Variants in CNTN4 observed in about 807,000 individuals in gnomAD.
CNTN4 encodes contactin-4.
A neutral mutation model predicts 122.5 loss-of-function variants in CNTN4; 77 were observed. That is an observed-to-expected ratio of 0.63 (90% CI 0.52 to 0.76). The LOEUF is 0.76. CNTN4 is among the 30% of genes least tolerant of loss of function. The pLI, the probability that CNTN4 is intolerant of heterozygous loss-of-function variation, is 0.00. For missense variants in CNTN4, 1,256 were observed against 1,259.1 expected (o/e 1.00, Z 0.04); for synonymous variants, 512 against 447.0 (o/e 1.15, Z -1.83).
intron 3 of CNTN4, among the ~76,000 whole-genome samples, chr3:2,462,742 A>T (rs1158555354): frequency 6.6e-6 from 1 of 152,180 alleles, no homozygotes; most frequent in South Asian, 2.1e-4. Flanking sequence ...AAAATCTTCA[A>T]CTGTGTGAAT....
At chr3:2,814,785 G>T (rs1023766133) in intron 6 of CNTN4, among the ~76,000 whole-genome samples, 1 of 152,188 alleles carries the variant, frequency 6.6e-6, no homozygotes, top group Non-Finnish European at 1.5e-5. Context: ...TCCTAGGCAC[G>T]TGAAGAAGGT....
Position 2,651,831 on chromosome 3 carries a change from G to A in CNTN4, c.55+80273G>A, listed in dbSNP as rs182833207. Among the ~76,000 whole-genome samples, 907 of 151,438 alleles carry A rather than the reference G, an allele frequency of 6.0e-3. 3 individuals carry two copies. Among genetic ancestry groups the A allele is most frequent in the Non-Finnish European group, 0.01 (688 of 67,884 alleles). ...AATTTTCCCTACTTCTTACTCTCGA[G>A]TAGCTGGGATTACAGGCACCTGCCA... is the stretch of plus-strand genomic sequence containing the variant. On this transcript the variant is annotated intron_variant, in intron 4 of 24. Transcript: ENST00000418658.
At chr3:2,557,465 C>T (rs745335557) in intron 3 of CNTN4, among the ~76,000 whole-genome samples, 10 of 152,248 alleles carry the variant, frequency 6.6e-5, no homozygotes, top group African/African-American at 1.7e-4. Context: ...TGGTGGCTCA[C>T]GCCTGTAATC....
At chr3:2,931,077 A>G (rs1449733078) in intron 13 of CNTN4, among the ~76,000 whole-genome samples, 1 of 152,168 alleles carries the variant, frequency 6.6e-6, no homozygotes, top group Non-Finnish European at 1.5e-5. Flanking sequence ...TATGCATGCT[A>G]CAGAAAAATT....
At chr3:3,051,613 A>G (rs559181899) in intron 23 of CNTN4, among the ~76,000 whole-genome samples, 2 of 152,326 alleles carry the variant, frequency 1.3e-5, no homozygotes, top group East Asian at 3.9e-4. Context: ...CTGAGGATTT[A>G]TCTGTGCCTA....
intron 4 of CNTN4, among the ~76,000 whole-genome samples, chr3:2,626,320 C>T (rs192079685): frequency 6.6e-6 from 1 of 151,940 alleles, no homozygotes; most frequent in African/African-American, 2.4e-5. Context: ...GGTGAAACCC[C>T]ATCTCTACTA....
intron 12 of CNTN4, among the ~76,000 whole-genome samples, chr3:2,913,787 C>G (rs1577248842): frequency 6.6e-6 from 1 of 152,116 alleles, no homozygotes; most frequent in South Asian, 2.1e-4. Context: ...AGGATGTGAA[C>G]AACCCTGTAG....
At chr3:2,831,549 C>G (rs2093104939) in intron 7 of CNTN4, among the ~76,000 whole-genome samples, 1 of 152,174 alleles carries the variant, frequency 6.6e-6, no homozygotes. Flanking sequence ...TTGTACCGAG[C>G]CAAGAGAGCT....
intron 2 of CNTN4, among the ~76,000 whole-genome samples, chr3:2,181,900 T>A (rs2037033921): frequency 6.6e-6 from 1 of 152,106 alleles, no homozygotes; most frequent in Non-Finnish European, 1.5e-5. Flanking sequence ...AAGCAAATAA[T>A]ATGACCCAAT....
chr3:2,510,315 T>C (rs186920831), intron 3 of CNTN4, among the ~76,000 whole-genome samples: 3 of 151,204 alleles, frequency 2.0e-5, no homozygotes, highest in South Asian at 2.1e-4. Flanking sequence ...AAAGCCCTTA[T>C]TGTACAGAAA....
intron 3 of CNTN4, among the ~76,000 whole-genome samples, chr3:2,539,852 G>C (rs548254820): frequency 6.6e-6 from 1 of 152,116 alleles, no homozygotes; most frequent in East Asian, 1.9e-4. Flanking sequence ...GAAACAGTTT[G>C]CCTCAAGAAA....
At chr3:2,881,305 G>A (rs942116148) in intron 8 of CNTN4, among the ~76,000 whole-genome samples, 29 of 152,240 alleles carry the variant, frequency 1.9e-4, no homozygotes, top group African/African-American at 6.5e-4. Flanking sequence ...CTGAGGTCAG[G>A]AATTCAAGAC....
In CNTN4 at chr3:2,902,867, C is replaced by G. The variant is rs370980273; in HGVS notation, c.1078-9C>G. Reference sequence around the variant, plus strand: ...GTCATTGTTTTTATGTTCCTCTTTTCTTTCACAGGATAGAATTCAAATTGA... The same window carrying G: ...GTCATTGTTTTTATGTTCCTCTTTTGTTTCACAGGATAGAATTCAAATTGA... On this transcript the variant is annotated splice_polypyrimidine_tract_variant and intron_variant, in intron 11 of 24. Transcript: ENST00000418658. 3 of 1,611,560 alleles carry G rather than the reference C, an allele frequency of 1.9e-6. No individual in the cohort carries two copies. The highest frequency in any genetic ancestry group is 2.2e-5 in the East Asian group (1 of 44,784).
chr3:2,420,924 C>T (rs942228431), intron 3 of CNTN4, among the ~76,000 whole-genome samples: 2 of 152,150 alleles, frequency 1.3e-5, no homozygotes, highest in African/African-American at 2.4e-5. Flanking sequence ...AAAGAATGTA[C>T]TTCACGTTTT....
At chr3:2,766,489 C>A (rs2090865596) in intron 6 of CNTN4, among the ~76,000 whole-genome samples, 1 of 152,140 alleles carries the variant, frequency 6.6e-6, no homozygotes, top group South Asian at 2.1e-4. Flanking sequence ...TGAAGTCACT[C>A]AGGAATGGAA....
At chr3:2,132,176 A>G in intron 2 of CNTN4, among the ~76,000 whole-genome samples, 1 of 152,156 alleles carries the variant, frequency 6.6e-6, no homozygotes, top group East Asian at 1.9e-4. Context: ...CACGTGGAGA[A>G]AGATCAATTC....
At chr3:2,602,640 A>G (rs2081094696) in intron 4 of CNTN4, among the ~76,000 whole-genome samples, 1 of 152,192 alleles carries the variant, frequency 6.6e-6, no homozygotes, top group African/African-American at 2.4e-5. Flanking sequence ...GGAAGAATCA[A>G]TATCATGAAA....
At chr3:2,686,742 C>A (rs2085451594) in intron 4 of CNTN4, among the ~76,000 whole-genome samples, 2 of 152,178 alleles carry the variant, frequency 1.3e-5, no homozygotes, top group African/African-American at 4.8e-5. Context: ...ACTTCTAAGT[C>A]CTGTGCTCTG....
At chr3:2,780,102 C>G (rs138554618) in intron 6 of CNTN4, among the ~76,000 whole-genome samples, 2 of 152,180 alleles carry the variant, frequency 1.3e-5, no homozygotes, top group East Asian at 1.9e-4. Context: ...GTGTGTATAT[C>G]TGATGTGTAC....
Sources: gnomAD v4.1 joint callset for allele counts (sites outside exome capture counted in the v4.1 genomes callset) on GRCh38, gnomAD v4.1.1 for gene constraint, MANE v1.5 for transcripts, NCBI Gene and HGNC (gene_info 2026-07-23, HGNC 2026-07-21) for gene names.